Variants in PRRG1 observed in about 807,000 individuals in gnomAD.
The protein encoded by PRRG1 is proline rich and Gla domain 1, also known as transmembrane gamma-carboxyglutamic acid protein 1.
Under a neutral mutation model 11.8 loss-of-function variants are expected in PRRG1, and 5 were observed. That is an observed-to-expected ratio of 0.42 (90% CI 0.22 to 0.89). The LOEUF is 0.89. Among genes scored for constraint, PRRG1 ranks in the 40% least tolerant of loss-of-function variants. The probability of loss-of-function intolerance (pLI) is 0.28; values close to 1 mark genes in which losing one functional copy is unlikely to be tolerated. For synonymous variants in PRRG1, 66 were observed against 60.4 expected, an observed-to-expected ratio of 1.09 and a Z score of -0.43; for missense variants, 155 against 166.1, an observed-to-expected ratio of 0.93 and a Z score of 0.37.
intron 1 of PRRG1, among the ~76,000 whole-genome samples, chrX:37,398,952 A>G (rs1172912788): frequency 9.0e-6 from 1 of 111,471 alleles, no homozygotes; most frequent in South Asian, 3.8e-4. Flanking sequence ...AAAGAAACGA[A>G]CAAAGCCTCC....
At chrX:37,422,168 A>G (rs1223792305) in intron 2 of PRRG1, among the ~76,000 whole-genome samples, 2 of 112,030 alleles carry the variant, frequency 1.8e-5, no homozygotes, top group Non-Finnish European at 3.8e-5. Flanking sequence ...TGAGTTGGAT[A>G]GCATATAAGA....
At chrX:37,397,384 A>G (rs917710217) in intron 1 of PRRG1, among the ~76,000 whole-genome samples, 1 of 112,200 alleles carries the variant, frequency 8.9e-6, no homozygotes, top group Admixed American at 9.5e-5. Flanking sequence ...ACTAAGGGAA[A>G]CTTAAGCACA....
At chrX:37,379,352 T>A (rs1342281802) in intron 1 of PRRG1, among the ~76,000 whole-genome samples, 1 of 110,176 alleles carries the variant, frequency 9.1e-6, no homozygotes, top group Non-Finnish European at 1.9e-5. Flanking sequence ...AGTAGAAAAA[T>A]GTTCCACTGC....
At chrX:37,430,272 CAT>C (rs1396158456) in intron 3 of PRRG1, among the ~76,000 whole-genome samples, 2 of 111,498 alleles carry the variant, frequency 1.8e-5, no homozygotes, top group Admixed American at 1.9e-4. Context: ...AAAAATCACA[CAT>C]ATGTATACAT....
intron 1 of PRRG1, among the ~76,000 whole-genome samples, chrX:37,399,510 C>T (rs1474609683): frequency 9.0e-6 from 1 of 110,902 alleles, no homozygotes; most frequent in Non-Finnish European, 1.9e-5. Flanking sequence ...ACAACCAGTA[C>T]CAGCCACTGC....
chrX:37,397,926 G>A (rs1931773167), intron 1 of PRRG1, among the ~76,000 whole-genome samples: 1 of 108,605 alleles, frequency 9.2e-6, no homozygotes, highest in Non-Finnish European at 1.9e-5. Flanking sequence ...ATGGGGACCT[G>A]ACTGAGAATC....
At chrX:37,450,483 C>T (rs1220086526) in intron 3 of PRRG1, among the ~76,000 whole-genome samples, 2 of 111,990 alleles carry the variant, frequency 1.8e-5, no homozygotes, top group African/African-American at 6.5e-5. Flanking sequence ...AAGAATTAGA[C>T]TAAAAATTTT....
At position 37,453,393 on chromosome X, in the gene PRRG1, A is replaced by G; in HGVS notation, c.429A>G (p.Gly143=). Residue 143 remains glycine (G), a synonymous_variant, in exon 4 of 4, where the codon GGA becomes GGG. Coordinates refer to ENST00000378628, the MANE Select transcript of PRRG1 (RefSeq NM_001142395.2). ...PPPDEVFDSS[G]LSPGFLGYVV... is the part of the protein sequence containing the mutation. The stretch of plus-strand genomic sequence containing the variant: ...CAGATGAAGTGTTTGACAGCAGTGG[A>G]TTGTCTCCAGGCTTTCTGGGATATG... 1 of 1,187,901 alleles carries G rather than the reference A, an allele frequency of 8.4e-7. No homozygotes were observed. Among genetic ancestry groups the G allele is most frequent in the Non-Finnish European group, 1.1e-6 (1 of 882,131 alleles).
intron 1 of PRRG1, among the ~76,000 whole-genome samples, chrX:37,379,765 C>T (rs1931093736): frequency 9.0e-6 from 1 of 111,588 alleles, no homozygotes; most frequent in African/African-American, 3.2e-5. Flanking sequence ...GTGAAGTAGG[C>T]AACTGGTTTG....
chrX:37,411,853 A>G (rs1932358958), intron 2 of PRRG1, among the ~76,000 whole-genome samples: 1 of 112,159 alleles, frequency 8.9e-6, no homozygotes, highest in Admixed American at 9.5e-5. Flanking sequence ...GTTATATACA[A>G]AGCAATATCT....
At chrX:37,430,696 C>T (rs1311239632) in intron 3 of PRRG1, among the ~76,000 whole-genome samples, 3 of 111,472 alleles carry the variant, frequency 2.7e-5, no homozygotes, top group African/African-American at 9.8e-5. Flanking sequence ...AGGTCCCATG[C>T]AGCCTTTACT....
chrX:37,359,065 T>C (rs1930333148), intron 1 of PRRG1, among the ~76,000 whole-genome samples: 1 of 112,373 alleles, frequency 8.9e-6, no homozygotes, highest in African/African-American at 3.2e-5. Context: ...TAGACAATCA[T>C]GTCATGTGTG....
intron 2 of PRRG1, among the ~76,000 whole-genome samples, chrX:37,421,712 G>A (rs1556387111): frequency 5.3e-5 from 6 of 112,187 alleles, no homozygotes. Flanking sequence ...GATCTCCTGA[G>A]GGCTGTGTCA....
intron 1 of PRRG1, among the ~76,000 whole-genome samples, chrX:37,402,745 G>A (rs1243638937): frequency 1.8e-5 from 2 of 111,057 alleles, no homozygotes; most frequent in Admixed American, 1.9e-4. Context: ...CTGACAAAGG[G>A]CTAATATCCA....
At position 37,438,594 on chromosome X, in the gene PRRG1, G is replaced by A. The variant is rs1485859799; in HGVS notation, c.171+12594G>A. Among the ~76,000 whole-genome samples, 5 of 109,381 alleles carry A rather than the reference G, an allele frequency of 4.6e-5. No homozygotes were observed. In the East Asian group the frequency reaches 1.4e-3, roughly 32 times the overall value. 95.0% of individuals were successfully genotyped at this position (109,381 alleles called of 115,157 possible). On this transcript the variant is annotated intron_variant, in intron 3 of 3. Coordinates refer to ENST00000378628, the MANE Select transcript of PRRG1 (RefSeq NM_001142395.2). ...TGGGATTGAAAGTGCCCACCACTAC[G>A]ACCAGCTAATTTTTGTATTTTTAGT...
rs782776303 is a variant in PRRG1 at position 37,398,594 on chromosome X, G to A, written c.-41-7615G>A. 2.9e-4 allele frequency among the ~76,000 whole-genome samples: 33 copies of A among 112,611 alleles called. No homozygotes were observed. The South Asian group carries it at 3.0e-3, about 10-fold the overall frequency. The stretch of plus-strand genomic sequence containing the variant: ...AGCGCCTTTCCTCCTCCAAAGGAAC[G>A]CAGTTCCTCACCAGCAATGGAACAA... On this transcript the variant is annotated intron_variant, in intron 1 of 3. Coordinates refer to ENST00000378628, the MANE Select transcript of PRRG1 (RefSeq NM_001142395.2).
At chrX:37,370,630 C>T (rs782218077) in intron 1 of PRRG1, among the ~76,000 whole-genome samples, 5 of 111,452 alleles carry the variant, frequency 4.5e-5, no homozygotes, top group Non-Finnish European at 7.6e-5. Flanking sequence ...ACCCAGGCCT[C>T]CCTGTGCACC....
At chrX:37,374,412 A>G (rs184951126) in intron 1 of PRRG1, among the ~76,000 whole-genome samples, 1 of 111,483 alleles carries the variant, frequency 9.0e-6, no homozygotes, top group African/African-American at 3.3e-5. Flanking sequence ...CTTTGAAATC[A>G]TTTCGTATCT....
intron 2 of PRRG1, among the ~76,000 whole-genome samples, chrX:37,414,554 A>G (rs990117536): frequency 8.9e-6 from 1 of 112,880 alleles, no homozygotes; most frequent in Admixed American, 9.3e-5. Flanking sequence ...CTGAGGGGCC[A>G]CCATGAGGGA....
Sources: allele counts gnomAD v4.1 joint callset (sites outside exome capture counted in the v4.1 genomes callset), GRCh38; gene constraint gnomAD v4.1.1; transcripts MANE v1.5; gene names NCBI Gene and HGNC (gene_info 2026-07-23, HGNC 2026-07-21).